The following PCDH11Y variants were observed in gnomAD, a reference collection of about 807,000 sequenced individuals.
PCDH11Y encodes protocadherin-11 Y-linked.
For synonymous variants in PCDH11Y, 9 were observed against 83.6 expected, an observed-to-expected ratio of 0.11 and a Z score of 4.87; for missense variants, 12 against 224.8, an observed-to-expected ratio of 0.05 and a Z score of 6.05.
At chrY:5,516,407 A>G in intron 3 of PCDH11Y, among the ~76,000 whole-genome samples, 1 of 33,363 alleles carries the variant, frequency 3.0e-5, no homozygotes, top group African/African-American at 1.2e-4. Context: ...AATACAACGA[A>G]TAAATGATAA....
At chrY:5,006,053 C>G in intron 1 of PCDH11Y, among the ~76,000 whole-genome samples, 1 of 28,535 alleles carries the variant, frequency 3.5e-5, no homozygotes, top group South Asian at 8.7e-4. Context: ...TTGGTTGTGG[C>G]TGGGGATTCA....
At chrY:5,737,429 G>A in exon 5 of PCDH11Y, 1 of 397,850 alleles carries the variant, frequency 2.5e-6, no homozygotes, top group Non-Finnish European at 3.5e-6. Context: ...GCCCACCACT[G>A]TCACAGGCCT....
intron 4 of PCDH11Y, among the ~76,000 whole-genome samples, chrY:5,703,849 C>CTT (rs200406587): frequency 4.5e-5 from 1 of 22,408 alleles, no homozygotes; most frequent in South Asian, 1.2e-3. Context: ...TCTTTTTTTC[C>CTT]TTTTTTTTTT....
At chrY:5,143,312 T>G in intron 2 of PCDH11Y, among the ~76,000 whole-genome samples, 1 of 33,671 alleles carries the variant, frequency 3.0e-5, no homozygotes, top group Non-Finnish European at 7.4e-5. Context: ...AGTTTAGGTT[T>G]GATAAAAATT....
At chrY:5,316,810 T>A in intron 2 of PCDH11Y, among the ~76,000 whole-genome samples, 7 of 32,812 alleles carry the variant, frequency 2.1e-4, no homozygotes, top group Non-Finnish European at 3.7e-4. Context: ...TTGCCCAATA[T>A]CTCAGCAGGC....
At chrY:5,552,215 CA>C (rs2053419213) in intron 3 of PCDH11Y, among the ~76,000 whole-genome samples, 1 of 31,729 alleles carries the variant, frequency 3.2e-5, no homozygotes, top group Non-Finnish European at 7.8e-5. Context: ...GGAATTTCAA[CA>C]AATATCAGAC....
At chrY:5,107,870 T>G, downstream of PCDH11Y, among the ~76,000 whole-genome samples, 1 of 32,237 alleles carries the variant, frequency 3.1e-5, no homozygotes, top group African/African-American at 1.2e-4. Context: ...CCATCCTGGC[T>G]AACACAGTGA....
At chrY:5,029,160 T>G (rs2052584804) in intron 1 of PCDH11Y, among the ~76,000 whole-genome samples, 1 of 33,464 alleles carries the variant, frequency 3.0e-5, no homozygotes. Flanking sequence ...TGCATCTGAC[T>G]GGTTCACAAA....
At chrY:5,239,593 C>T in intron 2 of PCDH11Y, among the ~76,000 whole-genome samples, 2 of 33,187 alleles carry the variant, frequency 6.0e-5, no homozygotes, top group Admixed American at 5.6e-4. Flanking sequence ...ATAAATAAAA[C>T]ATTTCATGCT....
chrY:5,407,712 G>GC, intron 2 of PCDH11Y, among the ~76,000 whole-genome samples: 1 of 31,162 alleles, frequency 3.2e-5, no homozygotes. Context: ...AGGAAATTGA[G>GC]ACCATTCTGG....
chrY:5,136,668 G>C, intron 2 of PCDH11Y, among the ~76,000 whole-genome samples: 1 of 33,047 alleles, frequency 3.0e-5, no homozygotes, highest in African/African-American at 1.2e-4. Flanking sequence ...GACACACTTA[G>C]AGAAATGCAA....
At chrY:5,302,566 G>C in intron 2 of PCDH11Y, among the ~76,000 whole-genome samples, 1 of 31,638 alleles carries the variant, frequency 3.2e-5, no homozygotes, top group Non-Finnish European at 7.7e-5. Flanking sequence ...GGGAAAATAA[G>C]TGCTTCATAA....
At chrY:5,207,090 A>T in intron 2 of PCDH11Y, 1 of 130,417 alleles carries the variant, frequency 7.7e-6, no homozygotes, top group Non-Finnish European at 1.5e-5. Flanking sequence ...ATCATCTTTA[A>T]CCTGGAGGGG....
intron 3 of PCDH11Y, among the ~76,000 whole-genome samples, chrY:5,503,660 C>T: frequency 6.3e-5 from 2 of 31,847 alleles, no homozygotes; most frequent in Admixed American, 3.0e-4. Context: ...TAATGTGTCA[C>T]GGTAGTGAAA....
chrY:5,459,519 T>C, intron 2 of PCDH11Y, among the ~76,000 whole-genome samples: 1 of 31,867 alleles, frequency 3.1e-5, no homozygotes, highest in Non-Finnish European at 7.8e-5. Context: ...TTGAAAATAA[T>C]ACATTTGGAG....
At chrY:5,123,296 A>G in intron 2 of PCDH11Y, among the ~76,000 whole-genome samples, 1 of 33,503 alleles carries the variant, frequency 3.0e-5, no homozygotes, top group Admixed American at 2.8e-4. Flanking sequence ...TGACTGGGAT[A>G]TAACAGGCAC....
At chrY:5,494,396 G>A (rs2053341784) in intron 2 of PCDH11Y, among the ~76,000 whole-genome samples, 1 of 32,951 alleles carries the variant, frequency 3.0e-5, no homozygotes, top group African/African-American at 1.2e-4. Flanking sequence ...GCTTCATCTT[G>A]CGTATCTACA....
chrY:5,348,986 G>A, intron 2 of PCDH11Y, among the ~76,000 whole-genome samples: 2 of 31,866 alleles, frequency 6.3e-5, no homozygotes, highest in African/African-American at 1.2e-4. Flanking sequence ...AAATTAGCTC[G>A]ACGTGGTGGT....
chrY:5,422,756 G>C, intron 2 of PCDH11Y, among the ~76,000 whole-genome samples: 1 of 33,112 alleles, frequency 3.0e-5, no homozygotes, highest in Non-Finnish European at 7.5e-5. Flanking sequence ...AATGAAGTGA[G>C]ACACTTACCT....
Sources: gnomAD v4.1 joint callset for allele counts (sites outside exome capture counted in the v4.1 genomes callset) on GRCh38, gnomAD v4.1.1 for gene constraint, MANE v1.5 for transcripts, NCBI Gene and HGNC (gene_info 2026-07-23, HGNC 2026-07-21) for gene names.